The following CRACD variants were observed in gnomAD, a reference collection of about 807,000 sequenced individuals.
CRACD encodes the protein capping protein-inhibiting regulator of actin dynamics.
A neutral mutation model predicts 106.8 loss-of-function variants in CRACD; 56 were observed. The ratio of observed to expected loss-of-function variants is 0.52; its 90% CI spans 0.42 to 0.66. The LOEUF (loss-of-function observed/expected upper bound fraction) is 0.66. Ranked by LOEUF, CRACD falls within the 30% of genes least tolerant of loss-of-function variation. The pLI is 0.00. For missense variants in CRACD, 1,730 were observed against 1,623.2 expected, an observed-to-expected ratio of 1.07 and a Z score of -1.13; for synonymous variants, 754 against 670.8, an observed-to-expected ratio of 1.12 and a Z score of -1.92.
intron 10 of CRACD, among the ~76,000 whole-genome samples, chr4:56,326,154 C>T (rs1451713523): frequency 3.3e-5 from 5 of 152,164 alleles, no homozygotes; most frequent in Admixed American, 6.5e-5. Flanking sequence ...TCAAGTGATC[C>T]GCCCACCTCG....
intron 1 of CRACD, among the ~76,000 whole-genome samples, chr4:56,134,233 G>A (rs6842118): frequency 0.063 from 9,499 of 151,946 alleles, 324 homozygotes; most frequent in Non-Finnish European, 0.078. Flanking sequence ...GACTCAGAAG[G>A]GTAGACATTT....
intron 1 of CRACD, among the ~76,000 whole-genome samples, chr4:56,164,689 G>A (rs1736077014): frequency 1.3e-5 from 2 of 152,128 alleles, no homozygotes; most frequent in African/African-American, 4.8e-5. Context: ...GGAGTCTGAG[G>A]GAACTTTTTG....
chr4:56,070,368 C>A (rs1257268943), intron 1 of CRACD, among the ~76,000 whole-genome samples: 2 of 150,178 alleles, frequency 1.3e-5, no homozygotes, highest in Non-Finnish European at 2.9e-5. Flanking sequence ...GGCGCCATCT[C>A]GGCTCACTGC....
chr4:56,081,702 A>G (rs999806606), intron 1 of CRACD, among the ~76,000 whole-genome samples: 1 of 152,120 alleles, frequency 6.6e-6, no homozygotes, highest in Non-Finnish European at 1.5e-5. Context: ...TTGGCTGGGC[A>G]TGGTGGTTCA....
intron 1 of CRACD, among the ~76,000 whole-genome samples, chr4:56,105,490 C>CAT (rs1733920926): frequency 6.6e-6 from 1 of 152,072 alleles, no homozygotes; most frequent in Non-Finnish European, 1.5e-5. Flanking sequence ...CAGAATGAGA[C>CAT]ATATATATAG....
chr4:56,049,871 G>A (rs1221078325), intron 1 of CRACD: 1 of 152,290 alleles, frequency 6.6e-6, no homozygotes, highest in African/African-American at 2.4e-5. Flanking sequence ...GGGGCCAGGA[G>A]ACTGCGCGCT....
intron 2 of CRACD, among the ~76,000 whole-genome samples, chr4:56,241,861 G>A (rs189245563): frequency 2.0e-5 from 3 of 152,314 alleles, no homozygotes; most frequent in Non-Finnish European, 4.4e-5. Context: ...ACTGAAGGGC[G>A]TGTTCTATGT....
intron 2 of CRACD, among the ~76,000 whole-genome samples, chr4:56,268,245 C>T (rs1368091800): frequency 1.3e-5 from 2 of 152,172 alleles, no homozygotes; most frequent in African/African-American, 4.8e-5. Flanking sequence ...TTATTAAATT[C>T]CCCTGACTTT....
At chr4:56,220,102 G>A (rs748451010) in intron 2 of CRACD, among the ~76,000 whole-genome samples, 12 of 152,328 alleles carry the variant, frequency 7.9e-5, no homozygotes, top group Non-Finnish European at 1.5e-4. Flanking sequence ...CAGGGCAGTG[G>A]TCTGGAGGGC....
chr4:56,156,971 G>A (rs2109898010), intron 1 of CRACD, among the ~76,000 whole-genome samples: 1 of 152,272 alleles, frequency 6.6e-6, no homozygotes, highest in South Asian at 2.1e-4. Context: ...TCAGTGCCAA[G>A]AGCAGTGCCT....
intron 3 of CRACD, among the ~76,000 whole-genome samples, chr4:56,293,865 T>C (rs1382505044): frequency 6.6e-6 from 1 of 152,194 alleles, no homozygotes; most frequent in Non-Finnish European, 1.5e-5. Flanking sequence ...ATCCAAACCA[T>C]ATCAGTAGAT....
intron 3 of CRACD, among the ~76,000 whole-genome samples, chr4:56,280,212 G>T (rs1270300726): frequency 6.6e-6 from 1 of 151,510 alleles, no homozygotes; most frequent in Non-Finnish European, 1.5e-5. Flanking sequence ...GTTAATGGGT[G>T]CAGCACACCA....
intron 1 of CRACD, among the ~76,000 whole-genome samples, chr4:56,148,739 A>G (rs1359219311): frequency 6.6e-6 from 1 of 151,032 alleles, no homozygotes; most frequent in East Asian, 1.9e-4. Context: ...TTTCTTTACT[A>G]CCTTCTGCTG....
In CRACD at chr4:56,323,622, T is replaced by C; in HGVS notation, c.3378+55T>C. 2.1e-6 allele frequency: 3 copies of C among 1,447,142 alleles called. No homozygotes were observed. The South Asian group carries it at 4.4e-5, about 21-fold the overall frequency. The allele number at this position is 1,447,142 out of a possible 1,614,324, so 89.6% of individuals were successfully genotyped here. ...TGCTTTCCTGAGCTTGGTTCTCTTT[T>C]CAGTCACAAGGATACAAAACAAAAG... On this transcript the variant is annotated intron_variant, in intron 9 of 10. Coordinates refer to ENST00000682029, the MANE Select transcript of CRACD (RefSeq NM_001393381.1).
rs1232854279 is a variant in CRACD, at chr4:56,314,756, G to A, written c.1254G>A (p.Gln418=). Residue 418 remains glutamine (Q), a synonymous_variant, in exon 8 of 11, where the codon CAG becomes CAA. Coordinates refer to ENST00000682029, the MANE Select transcript of CRACD (RefSeq NM_001393381.1). The surrounding 1 kb of genome is among the most constrained non-coding windows in gnomAD (Gnocchi z 4.4). ...GQAHLEDWRG[Q]LSELLNDFEE... Reference sequence around the variant, plus strand: ...CGCACCTGGAGGACTGGAGGGGGCAGCTCAGTGAGCTTCTGAACGACTTTG... The same window carrying A: ...CGCACCTGGAGGACTGGAGGGGGCAACTCAGTGAGCTTCTGAACGACTTTG... 39 of 1,588,434 alleles carry A rather than the reference G, an allele frequency of 2.5e-5. No individual in the cohort carries two copies. Among genetic ancestry groups the A allele is most frequent in the Non-Finnish European group, 3.0e-5 (35 of 1,168,700 alleles).
intron 4 of CRACD, among the ~76,000 whole-genome samples, chr4:56,299,442 G>T (rs557500745): frequency 1.3e-5 from 2 of 151,964 alleles, no homozygotes; most frequent in Non-Finnish European, 2.9e-5. Flanking sequence ...GGCCGAGGTG[G>T]GTGGACTGCT....
intron 2 of CRACD, among the ~76,000 whole-genome samples, chr4:56,271,129 T>C (rs1375095294): frequency 6.6e-6 from 1 of 151,698 alleles, no homozygotes; most frequent in Non-Finnish European, 1.5e-5. Context: ...AAAAAGTTTT[T>C]AAAAATAGTT....
rs1275853019 is a variant in CRACD at position 56,314,704 on chromosome 4, T to G, written c.1202T>G (p.Leu401Arg). The G allele has an allele frequency of 1.3e-6, 2 of 1,557,788 alleles. No homozygotes were observed. Among genetic ancestry groups the G allele is most frequent in the Admixed American group, 2.0e-5 (1 of 50,996 alleles). ...CGGCGGGGCGCGGAGGAGGAGGATC[T>G]GGGGGAAGAGGAGGAGGAGGGCCAG... is the stretch of plus-strand genomic sequence containing the variant. ...EGRRGAEEED[L>R]GEEEEEGQAH... The change falls in exon 8 of 11, where the codon CTG becomes CGG. Residue 401 changes from leucine to arginine, a missense_variant. Coordinates refer to ENST00000682029, the MANE Select transcript of CRACD (RefSeq NM_001393381.1). This position sits in a 1 kb window ranked among gnomAD's most constrained non-coding sequence, Gnocchi z 4.4.
intron 5 of CRACD, 103 bp downstream of exon 5, chr4:56,307,802 C>T (rs1044947575): frequency 4.2e-6 from 5 of 1,194,712 alleles, no homozygotes; most frequent in Non-Finnish European, 4.8e-6. Context: ...GAGGGAGGAG[C>T]TTTTCTCATG....
Sources: allele counts gnomAD v4.1 joint callset (sites outside exome capture counted in the v4.1 genomes callset), GRCh38; gene constraint gnomAD v4.1.1; non-coding constraint Gnocchi (gnomAD v3.1); transcripts MANE v1.5; gene names NCBI Gene and HGNC (gene_info 2026-07-23, HGNC 2026-07-21).